Variants in MAGI2 observed in about 807,000 individuals in gnomAD.
MAGI2 encodes membrane associated guanylate kinase, WW and PDZ domain containing 2, also known as membrane-associated guanylate kinase, WW and PDZ domain-containing protein 2.
Under a neutral mutation model 133.3 loss-of-function variants are expected in MAGI2, and 35 were observed. The observed-to-expected ratio is 0.26, with a 90% CI of 0.20 to 0.35. The LOEUF (loss-of-function observed/expected upper bound fraction) is 0.35, where lower values mean the gene tolerates loss of function less well. Among genes scored for constraint, MAGI2 ranks in the 10% least tolerant of loss-of-function variants. MAGI2 has a pLI of 1.00. For synonymous variants in MAGI2, 729 were observed against 710.6 expected (o/e 1.03, Z -0.41); for missense variants, 1,636 against 1,863.4 (o/e 0.88, Z 2.25).
At chr7:78,153,345 C>A (rs888448023) in intron 16 of MAGI2, among the ~76,000 whole-genome samples, 2 of 152,184 alleles carry the variant, frequency 1.3e-5, no homozygotes, top group Non-Finnish European at 2.9e-5. Context: ...TACATGTGTG[C>A]CAAGACAGTT....
At chr7:79,181,308 C>T (rs1186048659) in intron 1 of MAGI2, among the ~76,000 whole-genome samples, 3 of 151,944 alleles carry the variant, frequency 2.0e-5, no homozygotes, top group Non-Finnish European at 4.4e-5. Flanking sequence ...TTCCATACAT[C>T]CTCTGAAATC....
intron 1 of MAGI2, among the ~76,000 whole-genome samples, chr7:79,346,494 C>A (rs1464870896): frequency 2.0e-5 from 3 of 151,896 alleles, no homozygotes; most frequent in Admixed American, 1.3e-4. Flanking sequence ...TGCCTCAATC[C>A]TTTTCTAGGC....
At chr7:78,494,822 A>T (rs535449944) in intron 5 of MAGI2, among the ~76,000 whole-genome samples, 1 of 152,188 alleles carries the variant, frequency 6.6e-6, no homozygotes, top group East Asian at 1.9e-4. Context: ...AACAATGATT[A>T]ATAAGTCCTC....
Position 78,583,340 on chromosome 7 carries a change from T to TA in MAGI2, c.538+43779dup, listed in dbSNP as rs1219979839. On this transcript the variant is annotated intron_variant, in intron 3 of 21. Transcript: ENST00000354212. ...GGTGAAACACCGTCTCTACTAAAAA[T>TA]AAAAAAAATTAGCTGGGCGTGGTGG... 4.9e-3 allele frequency: 841 copies of TA among 170,156 alleles called. 6 individuals carry two copies. The highest frequency in any genetic ancestry group is 0.018 in the African/African-American group (757 of 41,280). 10.5% of individuals were successfully genotyped at this position (170,156 alleles called of 1,614,324 possible). A position where few individuals can be genotyped will look rare whatever the true frequency, so the allele number is the denominator to read the frequency against.
intron 2 of MAGI2, among the ~76,000 whole-genome samples, chr7:78,780,161 A>G (rs1381640135): frequency 6.6e-6 from 1 of 152,228 alleles, no homozygotes; most frequent in Non-Finnish European, 1.5e-5. Flanking sequence ...GGCTCTATGA[A>G]AAACAAGCAA....
intron 1 of MAGI2, among the ~76,000 whole-genome samples, chr7:79,088,712 A>G (rs761170339): frequency 6.6e-5 from 10 of 152,224 alleles, no homozygotes; most frequent in East Asian, 1.9e-4. Context: ...GAGAGTTTTC[A>G]GCATGAAGTG....
chr7:78,057,999 A>ATGTGTGTGTG (rs762405456), intron 21 of MAGI2, among the ~76,000 whole-genome samples: 4 of 108,582 alleles, frequency 3.7e-5, no homozygotes, highest in Middle Eastern at 4.7e-3. Flanking sequence ...ATATATATAT[A>ATGTGTGTGTG]TATATGTATG....
intron 2 of MAGI2, among the ~76,000 whole-genome samples, chr7:78,948,135 C>G (rs1010517919): frequency 2.0e-5 from 3 of 152,000 alleles, no homozygotes; most frequent in Non-Finnish European, 2.9e-5. Context: ...ACCAAATGTT[C>G]ATGATATTTG....
In MAGI2 at chr7:78,019,367, G is replaced by T; in HGVS notation, c.4316C>A (p.Ser1439Tyr). 1 of 1,478,944 alleles carries T rather than the reference G, an allele frequency of 6.8e-7. No individual in the cohort carries two copies. 91.6% of individuals were successfully genotyped at this position (1,478,944 alleles called of 1,614,324 possible). The change falls in exon 22 of 22, where the codon TCT (serine) becomes TAT (tyrosine). Residue 1439 changes from serine (S) to tyrosine (Y), a missense_variant. Coordinates refer to ENST00000354212, the MANE Select transcript of MAGI2 (RefSeq NM_012301.4). ...TTTGAGGACGCTGGGCAGCTTGTCA[G>T]AACCCGGCACCTTCCAGGGCCCCGG... ...VAPGPWKVPGSDKLPSVLKPG... is the reference protein window; with the variant it reads ...VAPGPWKVPGYDKLPSVLKPG...
intron 2 of MAGI2, among the ~76,000 whole-genome samples, chr7:78,983,373 A>AT (rs984777872): frequency 1.3e-5 from 2 of 151,788 alleles, no homozygotes; most frequent in African/African-American, 2.4e-5. Flanking sequence ...CTCATGTCAT[A>AT]TTTTTTTTAA....
At position 78,885,577 on chromosome 7, in the gene MAGI2, T is replaced by C. The variant is rs138260578; in HGVS notation, c.418+121513A>G. The stretch of plus-strand genomic sequence containing the variant: ...CAGGCCAATGTTAGAACCAGCCCTA[T>C]ATCTTAAAGTCTGCTCAGAGGGCAA... On this transcript the variant is annotated intron_variant, in intron 2 of 21. Coordinates refer to ENST00000354212, the MANE Select transcript of MAGI2 (RefSeq NM_012301.4). 5.9e-5 allele frequency among the ~76,000 whole-genome samples: 9 copies of C among 151,810 alleles called. No homozygotes were observed. In the East Asian group the frequency reaches 1.7e-3, roughly 29 times the overall value.
intron 3 of MAGI2, among the ~76,000 whole-genome samples, chr7:78,535,928 A>C (rs1189786579): frequency 7.0e-6 from 1 of 142,740 alleles, no homozygotes; most frequent in Non-Finnish European, 1.5e-5. Context: ...GCACAAGAGG[A>C]CAGCTTCAAC....
At chr7:79,398,341 T>G (rs73706425) in intron 1 of MAGI2, among the ~76,000 whole-genome samples, 1,716 of 152,320 alleles carry the variant, frequency 0.011, 28 homozygotes, top group African/African-American at 0.04. Context: ...TTTTGTTCCT[T>G]TAGTCTTTGT....
chr7:78,566,726 T>C (rs1007921592), intron 3 of MAGI2, among the ~76,000 whole-genome samples: 6 of 152,192 alleles, frequency 3.9e-5, no homozygotes, highest in South Asian at 2.1e-4. Flanking sequence ...TAACTTACTC[T>C]TTTCAATCCT....
chr7:78,620,616 T>C (rs1045205055), intron 3 of MAGI2, among the ~76,000 whole-genome samples: 1 of 151,992 alleles, frequency 6.6e-6, no homozygotes, highest in African/African-American at 2.4e-5. Context: ...TCTATGTGTA[T>C]ACTAGGGTCC....
intron 6 of MAGI2, chr7:78,486,561 C>G (rs558855394): frequency 3.8e-5 from 10 of 259,742 alleles, no homozygotes; most frequent in Admixed American, 2.7e-4. Context: ...CATGTTGTGT[C>G]TGAGACTCTG....
chr7:79,244,445 T>G (rs1377462267), intron 1 of MAGI2, among the ~76,000 whole-genome samples: 1 of 152,124 alleles, frequency 6.6e-6, no homozygotes, highest in Non-Finnish European at 1.5e-5. Context: ...TCTGTGCAAC[T>G]GGGGGAGGGA....
At chr7:79,264,162 A>G (rs1410217499) in intron 1 of MAGI2, among the ~76,000 whole-genome samples, 1 of 152,204 alleles carries the variant, frequency 6.6e-6, no homozygotes, top group Non-Finnish European at 1.5e-5. Flanking sequence ...CTCAGTGCAC[A>G]CTACCCACAT....
chr7:78,647,112 A>G (rs191630320), intron 2 of MAGI2, among the ~76,000 whole-genome samples: 27 of 152,348 alleles, frequency 1.8e-4, no homozygotes, highest in African/African-American at 6.0e-4. Context: ...CTAAAACACC[A>G]AAAGCAATGG....
Sources: gnomAD v4.1 joint callset for allele counts (sites outside exome capture counted in the v4.1 genomes callset) on GRCh38, gnomAD v4.1.1 for gene constraint, MANE v1.5 for transcripts, NCBI Gene and HGNC (gene_info 2026-07-23, HGNC 2026-07-21) for gene names.